The following PIP4P2 variants were observed in gnomAD, a reference collection of about 807,000 sequenced individuals.
PIP4P2 encodes phosphatidylinositol-4,5-bisphosphate 4-phosphatase 2.
In PIP4P2, 19 loss-of-function variants were observed where a neutral mutation model predicts 33.3. The ratio of observed to expected loss-of-function variants is 0.57; its 90% CI spans 0.40 to 0.84. PIP4P2 has a LOEUF of 0.84. Ranked by LOEUF, PIP4P2 falls within the 40% of genes least tolerant of loss-of-function variation. PIP4P2 has a pLI of 0.00. For synonymous variants in PIP4P2, 110 were observed against 111.9 expected (o/e 0.98, Z 0.11); for missense variants, 270 against 324.7 (o/e 0.83, Z 1.29).
In PIP4P2 at chr8:91,029,298, GA is replaced by G. The variant is rs374113834; in HGVS notation, c.107-7895del. On this transcript the variant is annotated intron_variant, in intron 1 of 6. Transcript: ENST00000285419. ...AGAGTGAGACTCTGTCTCAAAAAAA[GA>G]AAAAAAAAAAGAAATTACTAAAGAA... Among the ~76,000 whole-genome samples the G allele has an allele frequency of 1.2e-3, 170 of 136,272 alleles. 1 individual carries two copies. Among genetic ancestry groups the G allele is most frequent in the Middle Eastern group, 3.8e-3 (1 of 266 alleles). 89.4% of individuals were successfully genotyped at this position (136,272 alleles called of 152,430 possible).
At chr8:90,999,134 T>C (rs1333115046) in intron 5 of PIP4P2, among the ~76,000 whole-genome samples, 1 of 151,924 alleles carries the variant, frequency 6.6e-6, no homozygotes, top group Non-Finnish European at 1.5e-5. Context: ...AAAGAAGATA[T>C]ACATGCAGCC....
In PIP4P2 at chr8:91,001,314, C is replaced by G. The variant is rs1253470624; in HGVS notation, c.540-4570G>C. ...TTTTATCACGTTTAGGTTCATGTAT[C>G]TATTGCCACAGCTAAAATAGAGAAC... is the stretch of plus-strand genomic sequence containing the variant. On this transcript the variant is annotated intron_variant, in intron 5 of 6. Coordinates refer to ENST00000285419, the MANE Select transcript of PIP4P2 (RefSeq NM_018710.3). Among the ~76,000 whole-genome samples, 6 of 151,956 alleles carry G rather than the reference C, an allele frequency of 3.9e-5. No individual in the cohort carries two copies. In the East Asian group the frequency reaches 1.2e-3, roughly 29 times the overall value.
intron 3 of PIP4P2, 138 bp downstream of exon 3, chr8:91,020,018 CA>C (rs1478786900): frequency 2.6e-6 from 2 of 770,014 alleles, no homozygotes; most frequent in Non-Finnish European, 2.1e-6. Flanking sequence ...ATTCCTTTAA[CA>C]AAAAAATAAT....
intron 5 of PIP4P2, 119 bp downstream of exon 5, chr8:91,008,624 T>G (rs1017767736): frequency 1.1e-5 from 8 of 745,984 alleles, no homozygotes; most frequent in Non-Finnish European, 1.7e-5. Flanking sequence ...ATAAATACAT[T>G]GGCATGGATT....
chr8:90,995,521 C>T lies in PIP4P2; in HGVS notation c.*156G>A. On this transcript the variant is annotated 3_prime_UTR_variant, in exon 7 of 7. Coordinates refer to ENST00000285419, the MANE Select transcript of PIP4P2 (RefSeq NM_018710.3). ...AAAACAATTTGCATATAATATAGTG[C>T]AATGAGCATTTGTTCATAAAAGACT... 1.2e-6 allele frequency: 1 copy of T among 836,854 alleles called. No individual in the cohort carries two copies. The highest frequency in any genetic ancestry group is 1.7e-6 in the Non-Finnish European group (1 of 599,146). The allele number at this position is 836,854 out of a possible 1,614,324, so 51.8% of individuals were successfully genotyped here.
At chr8:91,021,001 C>A (rs539372944) in intron 2 of PIP4P2, among the ~76,000 whole-genome samples, 12 of 152,292 alleles carry the variant, frequency 7.9e-5, no homozygotes, top group Admixed American at 5.9e-4. Flanking sequence ...CTGCCATGCT[C>A]AGTCTAGTTT....
chr8:90,998,710 T>C (rs1049347614), intron 5 of PIP4P2, among the ~76,000 whole-genome samples: 2 of 152,082 alleles, frequency 1.3e-5, no homozygotes, highest in Non-Finnish European at 2.9e-5. Flanking sequence ...TGGCTAGCCA[T>C]ATGCAGAACA....
At chr8:91,008,607 A>T in intron 5 of PIP4P2, 136 bp downstream of exon 5, 2 of 627,952 alleles carry the variant, frequency 3.2e-6, no homozygotes, top group South Asian at 3.1e-5. Context: ...TTTTAGTCTT[A>T]AAAAGCATAA....
intron 5 of PIP4P2, among the ~76,000 whole-genome samples, chr8:91,001,521 A>G (rs932423577): frequency 6.6e-6 from 1 of 151,870 alleles, no homozygotes; most frequent in Non-Finnish European, 1.5e-5. Flanking sequence ...TTTTTTACTC[A>G]GCATAAATTC....
intron 1 of PIP4P2, among the ~76,000 whole-genome samples, chr8:91,039,429 T>G (rs913697060): frequency 1.3e-5 from 2 of 152,184 alleles, no homozygotes; most frequent in African/African-American, 4.8e-5. Context: ...TTGTTAAGTA[T>G]GGATTAAGAT....
chr8:91,006,988 C>A (rs1363455139), intron 5 of PIP4P2, among the ~76,000 whole-genome samples: 1 of 151,944 alleles, frequency 6.6e-6, no homozygotes, highest in Non-Finnish European at 1.5e-5. Flanking sequence ...GAAGTCTCTG[C>A]CTTTTCTTTT....
At chr8:91,028,967 A>G (rs1468090389) in intron 1 of PIP4P2, among the ~76,000 whole-genome samples, 2 of 152,192 alleles carry the variant, frequency 1.3e-5, no homozygotes, top group Non-Finnish European at 2.9e-5. Flanking sequence ...GTTTATCTGT[A>G]GCCCATGGAT....
chr8:91,035,681 T>C (rs1812223410), intron 1 of PIP4P2, among the ~76,000 whole-genome samples: 1 of 152,170 alleles, frequency 6.6e-6, no homozygotes, highest in African/African-American at 2.4e-5. Flanking sequence ...CCTCAAAGTT[T>C]TTCACACTGT....
intron 5 of PIP4P2, 63 bp downstream of exon 5, chr8:91,008,680 T>C: frequency 6.7e-7 from 1 of 1,491,032 alleles, no homozygotes; most frequent in Non-Finnish European, 9.3e-7. Flanking sequence ...AAGTGAAAAT[T>C]CTGAACTCTT....
chr8:90,997,985 G>A (rs1811651709), intron 5 of PIP4P2, among the ~76,000 whole-genome samples: 1 of 151,986 alleles, frequency 6.6e-6, no homozygotes, highest in South Asian at 2.1e-4. Flanking sequence ...TGGATGACCT[G>A]GGGACCACCA....
chr8:91,007,172 T>C (rs1342337117), intron 5 of PIP4P2, among the ~76,000 whole-genome samples: 1 of 152,206 alleles, frequency 6.6e-6, no homozygotes, highest in African/African-American at 2.4e-5. Context: ...ATATATTATT[T>C]TGTGCACGTA....
In PIP4P2 at chr8:90,995,733, G is replaced by A. The variant is rs763749046; in HGVS notation, c.718C>T (p.Arg240Ter). Residue 240 changes from arginine (R) to a stop codon, truncating the protein, a stop_gained, in exon 7 of 7, where the codon CGA becomes TGA. Coordinates refer to ENST00000285419, the MANE Select transcript of PIP4P2 (RefSeq NM_018710.3). LOFTEE classifies it high-confidence loss of function. ...CTTATGGCTCCCCAATAACAAGCTC[G>A]GATAAGGCAGATCAATCCTAGGAGA... ...AYLLGLICLI[R>*]ACYWGAIRVS... 17 of 1,613,124 alleles carry A rather than the reference G, an allele frequency of 1.1e-5. No individual in the cohort carries two copies. Among genetic ancestry groups the A allele is most frequent in the Non-Finnish European group, 1.3e-5 (15 of 1,179,534 alleles).
At chr8:91,036,442 T>C (rs535850014) in intron 1 of PIP4P2, among the ~76,000 whole-genome samples, 1 of 152,312 alleles carries the variant, frequency 6.6e-6, no homozygotes, top group South Asian at 2.1e-4. Flanking sequence ...CACCATGACG[T>C]TGCATAGCCA....
intron 4 of PIP4P2, among the ~76,000 whole-genome samples, chr8:91,017,926 G>C (rs1305494971): frequency 6.6e-6 from 1 of 151,980 alleles, no homozygotes; most frequent in African/African-American, 2.4e-5. Flanking sequence ...TCTAATTATG[G>C]GTAACAGTGT....
Sources: gnomAD v4.1 joint callset for allele counts (sites outside exome capture counted in the v4.1 genomes callset) on GRCh38, gnomAD v4.1.1 for gene constraint, MANE v1.5 for transcripts, NCBI Gene and HGNC (gene_info 2026-07-23, HGNC 2026-07-21) for gene names.